Variants in RPL26L1 observed in about 807,000 individuals in gnomAD.
The protein encoded by RPL26L1 is ribosomal protein L26 like 1, also known as ribosomal protein uL24-like.
In RPL26L1, 8 loss-of-function variants were observed where a neutral mutation model predicts 15.2. The observed-to-expected ratio is 0.53, with a 90% CI of 0.31 to 0.95. The LOEUF (loss-of-function observed/expected upper bound fraction) is 0.95, where lower values mean the gene tolerates loss of function less well. Among genes scored for constraint, RPL26L1 ranks in the 40% least tolerant of loss-of-function variants. The probability of loss-of-function intolerance (pLI) is 0.05; values close to 1 mark genes in which losing one functional copy is unlikely to be tolerated. For missense variants in RPL26L1, 146 were observed against 190.9 expected, an observed-to-expected ratio of 0.76 and a Z score of 1.39; for synonymous variants, 51 against 65.9, an observed-to-expected ratio of 0.77 and a Z score of 1.09.
Position 172,959,934 on chromosome 5 carries a change from G to A in RPL26L1, c.61G>A (p.Ala21Thr). ...RSKNRKRHFNAPSHVRRKIMS... is the reference protein window; with the variant it reads ...RSKNRKRHFNTPSHVRRKIMS... The stretch of plus-strand genomic sequence containing the variant: ...TAAAAACCGCAAACGTCACTTCAAT[G>A]CCCCCTCACACGTGCGCAGGAAGAT... Residue 21 changes from alanine (A) to threonine (T), a missense_variant, in exon 2 of 4, where the codon GCC becomes ACC. Physicochemically the swap from Ala to Thr is moderately conservative, Grantham distance 58. Coordinates refer to ENST00000265100, the MANE Select transcript of RPL26L1 (RefSeq NM_016093.4). 6.2e-7 allele frequency: 1 copy of A among 1,614,130 alleles called. No individual in the cohort carries two copies. Among genetic ancestry groups the A allele is most frequent in the Non-Finnish European group, 8.5e-7 (1 of 1,180,018 alleles).
chr5:172,956,179 A>T (rs370884361), upstream of RPL26L1, among the ~76,000 whole-genome samples: 21 of 152,244 alleles, frequency 1.4e-4, no homozygotes, highest in African/African-American at 5.1e-4. Flanking sequence ...AAAAGGGGAA[A>T]AACGAAAGTC....
At chr5:172,964,035 A>C (rs1252156813) in intron 2 of RPL26L1, among the ~76,000 whole-genome samples, 2 of 152,174 alleles carry the variant, frequency 1.3e-5, no homozygotes, top group Non-Finnish European at 2.9e-5. Context: ...GAATGAAAAA[A>C]ATTTTTTGAG....
At chr5:172,958,196 G>A (rs546171724), upstream of RPL26L1, 10 of 368,014 alleles carry the variant, frequency 2.7e-5, no homozygotes, top group Admixed American at 1.7e-4. Flanking sequence ...CTTGGGAGGC[G>A]GAGGTTGCGG....
At chr5:172,965,697 A>C (rs1755425492) in intron 2 of RPL26L1, among the ~76,000 whole-genome samples, 1 of 152,024 alleles carries the variant, frequency 6.6e-6, no homozygotes, top group Non-Finnish European at 1.5e-5. Context: ...GGCCACATTA[A>C]TCTCTCACAA....
chr5:172,960,062 A>G (rs551090423), intron 2 of RPL26L1, 21 bp downstream of exon 2: 2 of 1,613,810 alleles, frequency 1.2e-6, no homozygotes, highest in Non-Finnish European at 1.7e-6. Flanking sequence ...CTCCGGCGCT[A>G]GTGGCGCTCG....
chr5:172,967,246 C>T (rs760373574), intron 2 of RPL26L1, among the ~76,000 whole-genome samples: 1 of 151,918 alleles, frequency 6.6e-6, no homozygotes, highest in Non-Finnish European at 1.5e-5. Flanking sequence ...AGGCAGATCA[C>T]TTGAGGTCAG....
At chr5:172,968,115 C>G (rs1430335867) in intron 2 of RPL26L1, among the ~76,000 whole-genome samples, 1 of 151,902 alleles carries the variant, frequency 6.6e-6, no homozygotes, top group Non-Finnish European at 1.5e-5. Flanking sequence ...ATCCCAAAAA[C>G]CCTAAATCCA....
At chr5:172,957,277 A>G (rs1435531361), upstream of RPL26L1, 2 of 456,258 alleles carry the variant, frequency 4.4e-6, no homozygotes, top group South Asian at 3.1e-5. Flanking sequence ...GTCATCCAGG[A>G]TATCATTGTG....
chr5:172,966,313 ATTTTTTTTTTT>A (rs386405707), intron 2 of RPL26L1, among the ~76,000 whole-genome samples: 40 of 63,660 alleles, frequency 6.3e-4, no homozygotes, highest in African/African-American at 1.6e-3. Context: ...CTGGCTAACT[ATTTTTTTTTTT>A]TTTTTTTTTT....
chr5:172,954,875 G>A (rs1471629071), upstream of RPL26L1: 1 of 452,598 alleles, frequency 2.2e-6, no homozygotes, highest in Admixed American at 2.4e-5. Context: ...TCATATAAGA[G>A]GATTTCTAAA....
chr5:172,967,425 A>G (rs1463731575), intron 2 of RPL26L1, among the ~76,000 whole-genome samples: 1 of 152,082 alleles, frequency 6.6e-6, no homozygotes, highest in Non-Finnish European at 1.5e-5. Flanking sequence ...AGATCATGCC[A>G]GTGCCCTCCA....
upstream of RPL26L1, chr5:172,954,985 G>A (rs925702161): frequency 1.8e-5 from 8 of 456,102 alleles, no homozygotes; most frequent in African/African-American, 8.0e-5. Context: ...CGGAAGAGGC[G>A]TCTCTGGAGA....
upstream of RPL26L1, chr5:172,959,217 G>A (rs113436731): frequency 0.047 from 10,557 of 223,696 alleles, 674 homozygotes; most frequent in African/African-American, 0.17. Flanking sequence ...GCGAGACTCC[G>A]TCTCAAAAAA....
At chr5:172,966,880 G>T (rs62387408) in intron 2 of RPL26L1, among the ~76,000 whole-genome samples, 93,738 of 150,250 alleles carry the variant, frequency 0.62, 34,639 homozygotes, top group Non-Finnish European at 0.81. Flanking sequence ...TTTTTGAGGC[G>T]GTGTCTCGCT....
At chr5:172,967,834 A>G (rs1250336262) in intron 2 of RPL26L1, among the ~76,000 whole-genome samples, 1 of 149,666 alleles carries the variant, frequency 6.7e-6, no homozygotes, top group East Asian at 1.9e-4. Flanking sequence ...TGTATGTATG[A>G]CATATATGTA....
chr5:172,968,546 C>G lies in RPL26L1; in HGVS notation c.256C>G (p.Gln86Glu). 1 of 1,614,126 alleles carries G rather than the reference C, an allele frequency of 6.2e-7. No individual in the cohort carries two copies. The highest frequency in any genetic ancestry group is 1.1e-5 in the South Asian group (1 of 91,080). The change falls in exon 3 of 4, where the codon CAG (glutamine) becomes GAG (glutamate). Residue 86 changes from glutamine to glutamate, a missense_variant. Coordinates refer to ENST00000265100, the MANE Select transcript of RPL26L1 (RefSeq NM_016093.4). ...KKYVIYIERV[Q>E]REKANGTTVH... ...ATATGTCATCTACATCGAGCGGGTG[C>G]AGCGTGAGAAGGCCAACGGCACAAC...
rs1402885653 is a variant in RPL26L1 at position 172,964,281 on chromosome 5, C to CCTTTTTTTTTTTTTTT, written c.169-4178_169-4177insCTTTTTTTTTTTTTTT. Among the ~76,000 whole-genome samples the CCTTTTTTTTTTTTTTT allele has an allele frequency of 9.0e-3, 889 of 99,208 alleles. 169 individuals carry two copies. The highest frequency in any genetic ancestry group is 0.022 in the South Asian group (71 of 3,156). 65.1% of individuals were successfully genotyped at this position (99,208 alleles called of 152,430 possible). A position where few individuals can be genotyped will look rare whatever the true frequency, so the allele number is the denominator to read the frequency against. Reference sequence around the variant, plus strand: ...TGAGCCACAGTGTCTGGCCTGTTGCCTTTTTTTTTTTTTTTTTTTTTGAGA... The same window carrying CCTTTTTTTTTTTTTTT: ...TGAGCCACAGTGTCTGGCCTGTTGCCCTTTTTTTTTTTTTTTTTTTTTTTTTTTTTTTTTTTTGAGA... On this transcript the variant is annotated intron_variant, in intron 2 of 3. Transcript: ENST00000265100.
chr5:172,955,004 G>A (rs933161322), upstream of RPL26L1: 39 of 456,056 alleles, frequency 8.6e-5, no homozygotes, highest in Admixed American at 5.4e-4. Flanking sequence ...GACGTGCTTC[G>A]TGAGGAGAGA....
intron 2 of RPL26L1, among the ~76,000 whole-genome samples, chr5:172,962,580 G>A (rs1755278849): frequency 1.3e-5 from 2 of 151,740 alleles, no homozygotes; most frequent in South Asian, 4.1e-4. Flanking sequence ...CACTTTGGGA[G>A]GCTGTGGCAG....
Sources: allele counts gnomAD v4.1 joint callset (sites outside exome capture counted in the v4.1 genomes callset), GRCh38; gene constraint gnomAD v4.1.1; transcripts MANE v1.5; gene names NCBI Gene and HGNC (gene_info 2026-07-23, HGNC 2026-07-21).